The following ABCC4 variants were observed in gnomAD, a reference collection of about 807,000 sequenced individuals.
ABCC4 encodes ATP binding cassette subfamily C member 4 (PEL blood group), also known as ATP-binding cassette sub-family C member 4.
Under a neutral mutation model 168.5 loss-of-function variants are expected in ABCC4, and 102 were observed. The observed-to-expected ratio is 0.61, with a 90% CI of 0.52 to 0.71. The LOEUF is 0.71. Ranked by LOEUF, ABCC4 falls within the 30% of genes least tolerant of loss-of-function variation. The pLI is 0.00. For synonymous variants in ABCC4, 617 were observed against 590.7 expected, an observed-to-expected ratio of 1.04 and a Z score of -0.65; for missense variants, 1,402 against 1,605.8, an observed-to-expected ratio of 0.87 and a Z score of 2.17.
chr13:95,164,318 G>C (rs965852985), intron 16 of ABCC4, 60 bp downstream of exon 16: 1 of 1,590,116 alleles, frequency 6.3e-7, no homozygotes, highest in Non-Finnish European at 8.6e-7. Context: ...AGTCATAATA[G>C]CATAAACATA....
intron 9 of ABCC4, among the ~76,000 whole-genome samples, chr13:95,194,409 A>G (rs1277441422): frequency 5.3e-5 from 8 of 152,176 alleles, no homozygotes; most frequent in Non-Finnish European, 1.2e-4. Flanking sequence ...GGCTTTCTCA[A>G]TATGTAATAA....
chr13:95,300,245 G>A (rs2041640601), intron 1 of ABCC4, among the ~76,000 whole-genome samples: 1 of 152,156 alleles, frequency 6.6e-6, no homozygotes, highest in African/African-American at 2.4e-5. Flanking sequence ...CCCTGGGGTG[G>A]TTTTAAGAAG....
intron 19 of ABCC4, among the ~76,000 whole-genome samples, chr13:95,146,338 T>C (rs2036494817): frequency 6.6e-6 from 1 of 152,072 alleles, no homozygotes; most frequent in Admixed American, 6.6e-5. Context: ...ATAATCTGTA[T>C]ACCAAACCCT....
At chr13:95,151,490 A>AAG (rs1555321540) in intron 19 of ABCC4, among the ~76,000 whole-genome samples, 5 of 148,700 alleles carry the variant, frequency 3.4e-5, no homozygotes, top group Non-Finnish European at 6.0e-5. Context: ...AAAAAAAAAA[A>AAG]AAGAAGAAGA....
chr13:95,279,869 C>T (rs1254934528), intron 1 of ABCC4, among the ~76,000 whole-genome samples: 1 of 152,176 alleles, frequency 6.6e-6, no homozygotes, highest in African/African-American at 2.4e-5. Flanking sequence ...AGAGCTGAGA[C>T]TGGGTGGCCT....
At chr13:95,077,138 T>C (rs1456529901) in intron 21 of ABCC4, among the ~76,000 whole-genome samples, 1 of 152,128 alleles carries the variant, frequency 6.6e-6, no homozygotes, top group Non-Finnish European at 1.5e-5. Flanking sequence ...AGAGTTTCAA[T>C]TGTCTACCAT....
At chr13:95,164,175 A>G (rs1312226862) in intron 16 of ABCC4, among the ~76,000 whole-genome samples, 1 of 152,090 alleles carries the variant, frequency 6.6e-6, no homozygotes, top group Admixed American at 6.6e-5. Flanking sequence ...TGCATATTCC[A>G]TTTTAAAATC....
Position 95,232,650 on chromosome 13 carries a change from C to T in ABCC4, c.531+1960G>A, listed in dbSNP as rs568834685. The stretch of plus-strand genomic sequence containing the variant: ...AGAGGTTGCACCACTACACTCCAGC[C>T]TGGGCGACAGAGCAAGACTTCATCT... On this transcript the variant is annotated intron_variant, in intron 4 of 30. Transcript: ENST00000645237. Among the ~76,000 whole-genome samples the T allele has an allele frequency of 3.3e-5, 5 of 150,296 alleles. 1 individual carries two copies. In the East Asian group the frequency reaches 9.8e-4, roughly 29 times the overall value.
intron 3 of ABCC4, among the ~76,000 whole-genome samples, chr13:95,242,817 G>A (rs867683294): frequency 6.6e-6 from 1 of 152,100 alleles, no homozygotes; most frequent in African/African-American, 2.4e-5. Flanking sequence ...AATAGGCAAG[G>A]CTGGGAAAAC....
chr13:95,046,696 G>A (rs2032593677), intron 27 of ABCC4, among the ~76,000 whole-genome samples: 1 of 152,098 alleles, frequency 6.6e-6, no homozygotes, highest in African/African-American at 2.4e-5. Context: ...CAGGGAGGCG[G>A]AGGTTGCAAT....
At chr13:95,096,147 G>C in intron 20 of ABCC4, 1 of 635,720 alleles carries the variant, frequency 1.6e-6, no homozygotes, top group South Asian at 1.8e-5. Flanking sequence ...AGGAGTTTGA[G>C]ACCAGCCAGG....
intron 9 of ABCC4, among the ~76,000 whole-genome samples, chr13:95,191,590 T>A (rs1594269000): frequency 6.6e-6 from 1 of 152,260 alleles, no homozygotes; most frequent in Non-Finnish European, 1.5e-5. Context: ...AAAGTCTTGC[T>A]TGACTTCGCC....
intron 20 of ABCC4, among the ~76,000 whole-genome samples, chr13:95,092,273 A>T (rs567944974): frequency 6.6e-6 from 1 of 152,314 alleles, no homozygotes; most frequent in Admixed American, 6.5e-5. Context: ...AAGTCAACAA[A>T]GAAACAATGG....
chr13:95,115,587 G>C (rs1466363112), intron 20 of ABCC4, among the ~76,000 whole-genome samples: 2 of 151,170 alleles, frequency 1.3e-5, no homozygotes, highest in Non-Finnish European at 2.9e-5. Context: ...CTTTCCGTGA[G>C]AGGTGATTGT....
chr13:95,183,728 A>G (rs925246357), intron 11 of ABCC4, among the ~76,000 whole-genome samples: 1 of 152,194 alleles, frequency 6.6e-6, no homozygotes, highest in Non-Finnish European at 1.5e-5. Context: ...GCTGGTCAAC[A>G]CAGCAAAACC....
chr13:95,183,450 C>T (rs1351562873), intron 11 of ABCC4, among the ~76,000 whole-genome samples: 2 of 152,168 alleles, frequency 1.3e-5, no homozygotes, highest in African/African-American at 4.8e-5. Context: ...GGCAAATGAT[C>T]TCATAACTCA....
At position 95,088,305 on chromosome 13, in the gene ABCC4, A is replaced by C. The variant is rs115362417; in HGVS notation, c.2536-5015T>G. 5.5e-3 allele frequency among the ~76,000 whole-genome samples: 844 copies of C among 152,350 alleles called. 9 individuals are homozygous for C. The highest frequency in any genetic ancestry group is 0.019 in the African/African-American group (796 of 41,574). On this transcript the variant is annotated intron_variant, in intron 20 of 30. Transcript: ENST00000645237. ...GAAAAGGCATATAAAAGTGGAAATAAAAGATAAGTTTTAACCCACTTATCT... is the reference window on the plus strand; with the variant it reads ...GAAAAGGCATATAAAAGTGGAAATACAAGATAAGTTTTAACCCACTTATCT...
chr13:95,064,260 G>GTGTATATATATATATATATA (rs1269029410), intron 25 of ABCC4, among the ~76,000 whole-genome samples: 1 of 21,502 alleles, frequency 4.7e-5, no homozygotes, highest in African/African-American at 2.2e-4. Context: ...GTGTGTGTGT[G>GTGTATATATATATATATATA]TATATATATA....
At chr13:95,215,282 G>C (rs1186576467) in intron 4 of ABCC4, among the ~76,000 whole-genome samples, 1 of 151,972 alleles carries the variant, frequency 6.6e-6, no homozygotes, top group Non-Finnish European at 1.5e-5. Flanking sequence ...CACACTTGTA[G>C]ACCCAGCTAC....
Sources: allele counts gnomAD v4.1 joint callset (sites outside exome capture counted in the v4.1 genomes callset), GRCh38; gene constraint gnomAD v4.1.1; transcripts MANE v1.5; gene names NCBI Gene and HGNC (gene_info 2026-07-23, HGNC 2026-07-21).